The following CHSY1 variants were observed in gnomAD, a reference collection of about 807,000 sequenced individuals.
CHSY1 encodes N-acetylgalactosaminyl-proteoglycan 3-beta-glucuronosyltransferase 1.
A neutral mutation model predicts 59.8 loss-of-function variants in CHSY1; 13 were observed. The ratio of observed to expected loss-of-function variants is 0.22; its 90% CI spans 0.14 to 0.35. The LOEUF (loss-of-function observed/expected upper bound fraction) is 0.35. CHSY1 is among the 10% of genes least tolerant of loss of function. The pLI is 1.00. For synonymous variants in CHSY1, 459 were observed against 401.2 expected, an observed-to-expected ratio of 1.14 and a Z score of -1.72; for missense variants, 947 against 1,030.6, an observed-to-expected ratio of 0.92 and a Z score of 1.11.
chr15:101,227,539 A>G (rs1267889639), intron 2 of CHSY1, among the ~76,000 whole-genome samples: 1 of 152,240 alleles, frequency 6.6e-6, no homozygotes, highest in Non-Finnish European at 1.5e-5. Context: ...ATAAGATGCA[A>G]TATGGGGTTT....
chr15:101,189,579 G>A (rs2038417583), intron 2 of CHSY1: 1 of 444,526 alleles, frequency 2.2e-6, no homozygotes, highest in Non-Finnish European at 3.0e-6. Flanking sequence ...GTTCAAGTGA[G>A]AGAGAAAGGG....
intron 2 of CHSY1, among the ~76,000 whole-genome samples, chr15:101,192,187 T>C (rs1387998593): frequency 6.6e-6 from 1 of 152,248 alleles, no homozygotes; most frequent in Non-Finnish European, 1.5e-5. Context: ...TTGTTCTAGG[T>C]GCCAAGCACT....
chr15:101,228,976 A>G (rs140241202), intron 2 of CHSY1, among the ~76,000 whole-genome samples: 131 of 152,384 alleles, frequency 8.6e-4, no homozygotes, highest in Admixed American at 2.2e-3. Flanking sequence ...GGAGGAGACA[A>G]CACAGCTACA....
At chr15:101,206,962 C>T (rs138926998) in intron 2 of CHSY1, among the ~76,000 whole-genome samples, 2 of 152,216 alleles carry the variant, frequency 1.3e-5, no homozygotes, top group South Asian at 2.1e-4. Context: ...ACGTATGCCA[C>T]GCATTTCCAC....
intron 2 of CHSY1, among the ~76,000 whole-genome samples, chr15:101,182,940 C>T (rs904942144): frequency 6.6e-6 from 1 of 152,108 alleles, no homozygotes; most frequent in Non-Finnish European, 1.5e-5. Context: ...CTTGGTGGAA[C>T]AGAAACAACG....
chr15:101,225,205 C>T (rs572664402), intron 2 of CHSY1, among the ~76,000 whole-genome samples: 10 of 152,130 alleles, frequency 6.6e-5, no homozygotes, highest in Non-Finnish European at 1.0e-4. Context: ...GTAGCTAGGA[C>T]CACAGGCGTG....
In CHSY1 at chr15:101,235,372, T is replaced by C; in HGVS notation, c.526A>G (p.Ile176Val). 6.2e-7 allele frequency: 1 copy of C among 1,614,178 alleles called. No individual in the cohort carries two copies. The highest frequency in any genetic ancestry group is 8.5e-7 in the Non-Finnish European group (1 of 1,180,026). The change falls in exon 2 of 3, where the codon ATC (isoleucine) becomes GTC (valine). Residue 176 changes from isoleucine (I) to valine (V), a missense_variant. Physicochemically the swap from Ile to Val is conservative, Grantham distance 29. Transcript: ENST00000254190. ...AAGTTCTCCAGACGGTCTCCTTTGATGTACACGTCATCATCTGCTCTCATA... is the reference window on the plus strand; with the variant it reads ...AAGTTCTCCAGACGGTCTCCTTTGACGTACACGTCATCATCTGCTCTCATA... ...WFMRADDDVY[I>V]KGDRLENFLR...
At chr15:101,225,609 C>G (rs1175067609) in intron 2 of CHSY1, among the ~76,000 whole-genome samples, 2 of 152,110 alleles carry the variant, frequency 1.3e-5, no homozygotes, top group African/African-American at 4.8e-5. Flanking sequence ...GTACCACCCC[C>G]CTCCCCTTGC....
intron 2 of CHSY1, among the ~76,000 whole-genome samples, chr15:101,228,797 T>C (rs2038865516): frequency 6.6e-6 from 1 of 152,194 alleles, no homozygotes; most frequent in South Asian, 2.1e-4. Context: ...AGAAGCCCCA[T>C]AAGGGTAACT....
intron 1 of CHSY1, among the ~76,000 whole-genome samples, chr15:101,241,322 C>G (rs191931275): frequency 5.3e-5 from 8 of 152,308 alleles, no homozygotes; most frequent in Admixed American, 2.0e-4. Flanking sequence ...AACTCCTGAC[C>G]TTGTGATCCG....
intron 2 of CHSY1, among the ~76,000 whole-genome samples, chr15:101,191,136 T>C (rs947328195): frequency 6.6e-6 from 1 of 152,270 alleles, no homozygotes; most frequent in African/African-American, 2.4e-5. Context: ...CCAGCACTTT[T>C]GTTCATAATT....
In CHSY1 at chr15:101,176,516, T is replaced by C; in HGVS notation, c.*872A>G. 2.5e-6 allele frequency: 1 copy of C among 397,802 alleles called. No individual in the cohort carries two copies. Among genetic ancestry groups the C allele is most frequent in the Non-Finnish European group, 4.4e-6 (1 of 225,910 alleles). The allele number at this position is 397,802 out of a possible 1,614,324, so 24.6% of individuals were successfully genotyped here. A position where few individuals can be genotyped will look rare whatever the true frequency, so the allele number is the denominator to read the frequency against. The stretch of plus-strand genomic sequence containing the variant: ...CTTGAAATTTAATGCCAGGTCTATT[T>C]AGGCCGAATGAACTACCACGAGAAC... On this transcript the variant is annotated 3_prime_UTR_variant, in exon 3 of 3. Transcript: ENST00000254190.
In CHSY1 at chr15:101,177,445, T is replaced by C. The variant is rs201612305; in HGVS notation, c.2352A>G (p.Lys784=). The change falls in exon 3 of 3, where the codon AAA becomes AAG. Residue 784 remains lysine, a synonymous_variant. Coordinates refer to ENST00000254190, the MANE Select transcript of CHSY1 (RefSeq NM_014918.5). ...TQQLAEMWLE[K]NDPSYSKSSN... The stretch of plus-strand genomic sequence containing the variant: ...TGCTTTTACTGTAACTTGGATCATT[T>C]TTTTCCAGCCACATCTCAGCCAGCT... The C allele has an allele frequency of 3.9e-5, 63 of 1,613,634 alleles. No individual in the cohort carries two copies. In the African/African-American group the frequency reaches 7.9e-4, roughly 20 times the overall value.
chr15:101,207,043 A>T (rs555251347), intron 2 of CHSY1, among the ~76,000 whole-genome samples: 6 of 152,384 alleles, frequency 3.9e-5, no homozygotes, highest in African/African-American at 1.4e-4. Context: ...AACAAGACCA[A>T]ACAAAACAAA....
At chr15:101,226,434 C>T (rs1486116725) in intron 2 of CHSY1, among the ~76,000 whole-genome samples, 6 of 152,164 alleles carry the variant, frequency 3.9e-5, no homozygotes, top group African/African-American at 1.2e-4. Context: ...TCAGGTAACT[C>T]GCTGCCCAAG....
intron 2 of CHSY1, among the ~76,000 whole-genome samples, chr15:101,185,460 TGGA>T (rs2038345513): frequency 7.1e-6 from 1 of 141,146 alleles, no homozygotes. Context: ...ACACTCTCCA[TGGA>T]GCACCCTCCA....
intron 2 of CHSY1, among the ~76,000 whole-genome samples, chr15:101,196,427 C>T (rs915773441): frequency 6.6e-6 from 1 of 151,984 alleles, no homozygotes; most frequent in Non-Finnish European, 1.5e-5. Context: ...ACGGCATAAC[C>T]CATGTTTACT....
intron 2 of CHSY1, among the ~76,000 whole-genome samples, chr15:101,210,492 T>C (rs542166882): frequency 9.0e-4 from 137 of 152,340 alleles, no homozygotes; most frequent in Middle Eastern, 3.4e-3. Flanking sequence ...AAATTACAAA[T>C]AGTTTTTTTT....
chr15:101,188,605 A>AAG (rs1555433461), intron 2 of CHSY1, among the ~76,000 whole-genome samples: 12 of 152,034 alleles, frequency 7.9e-5, no homozygotes, highest in South Asian at 2.1e-4. Context: ...TAAAAAAAAA[A>AAG]AGAGAATTAT....
Sources: gnomAD v4.1 joint callset for allele counts (sites outside exome capture counted in the v4.1 genomes callset) on GRCh38, gnomAD v4.1.1 for gene constraint, MANE v1.5 for transcripts, NCBI Gene and HGNC (gene_info 2026-07-23, HGNC 2026-07-21) for gene names.